The following ARL17B variants were observed in gnomAD, a reference collection of about 807,000 sequenced individuals.
The protein encoded by ARL17B is ARF like GTPase 17B, also known as ADP-ribosylation factor-like protein 17.
intron 4 of ARL17B, among the ~76,000 whole-genome samples, chr17:46,279,913 T>C (rs1196367417): frequency 1.3e-5 from 2 of 152,218 alleles, no homozygotes; most frequent in African/African-American, 4.8e-5. Flanking sequence ...AAACAAATTA[T>C]CTAATGCATG....
chr17:46,277,518 A>T (rs2049621673), intron 4 of ARL17B, among the ~76,000 whole-genome samples: 1 of 152,252 alleles, frequency 6.6e-6, no homozygotes, highest in African/African-American at 2.4e-5. Context: ...AAAAGCATAG[A>T]GGGGCTTATA....
chr17:46,331,579 A>G, downstream of ARL17B: 1 of 1,602,944 alleles, frequency 6.2e-7, no homozygotes, highest in Non-Finnish European at 8.5e-7. Flanking sequence ...CATTCAACTT[A>G]GGGCCAACTG....
chr17:46,340,109 C>T (rs1412532908), intron 3 of ARL17B, among the ~76,000 whole-genome samples: 2 of 99,504 alleles, frequency 2.0e-5, no homozygotes, highest in Admixed American at 1.0e-4. Context: ...GAAAGCTGAG[C>T]GGTCTGCAGG....
chr17:46,298,804 A>G (rs2050253064), downstream of ARL17B, among the ~76,000 whole-genome samples: 2 of 74,318 alleles, frequency 2.7e-5, no homozygotes, highest in African/African-American at 3.9e-5. Context: ...ATTAAGTACT[A>G]AAAGATAATG....
In ARL17B at chr17:46,287,726, A is replaced by G. The variant is rs1319795201; in HGVS notation, c.*21+11800T>C. On this transcript the variant is annotated intron_variant, in intron 4 of 4. Coordinates refer to the ARL17B transcript ENST00000570618. ...GTGGAAGGAGCTGCTTCAGTTCAAC[A>G]TCGGGGACATGGTATGGGGAAGGAT... 3.9e-5 allele frequency among the ~76,000 whole-genome samples: 6 copies of G among 152,356 alleles called. 1 individual carries two copies.
At chr17:46,341,090 G>T (rs1253419891) in intron 3 of ARL17B, among the ~76,000 whole-genome samples, 27 of 50,590 alleles carry the variant, frequency 5.3e-4, no homozygotes, top group African/African-American at 2.2e-3. Context: ...TGCAGAGAGG[G>T]CAGGGAGGAA....
downstream of ARL17B, chr17:46,331,201 C>G (rs1227021181): frequency 1.4e-6 from 1 of 729,118 alleles, no homozygotes; most frequent in African/African-American, 1.7e-5. Context: ...ACCGCTTTCA[C>G]AAAACTCGCT....
intron 3 of ARL17B, among the ~76,000 whole-genome samples, chr17:46,323,957 T>C (rs1357524419): frequency 9.8e-6 from 1 of 101,632 alleles, no homozygotes; most frequent in African/African-American, 3.2e-5. Flanking sequence ...ATACAAACAT[T>C]ATGTCATTTC....
chr17:46,278,280 A>G (rs2049647884), intron 4 of ARL17B, among the ~76,000 whole-genome samples: 1 of 152,042 alleles, frequency 6.6e-6, no homozygotes, highest in African/African-American at 2.4e-5. Flanking sequence ...TTCTTGTTTT[A>G]TCAACTTTCA....
At chr17:46,291,725 G>C (rs2050072660) in intron 4 of ARL17B, among the ~76,000 whole-genome samples, 1 of 151,906 alleles carries the variant, frequency 6.6e-6, no homozygotes, top group Non-Finnish European at 1.5e-5. Context: ...GGGAGTTTGA[G>C]ACCAGCCTGG....
chr17:46,337,721 TAGG>T lies in ARL17B; in HGVS notation c.*1776_*1778del, dbSNP rs1308950588. On this transcript the variant is annotated 3_prime_UTR_variant, in exon 4 of 4. Transcript: ENST00000450673. ...GGAGGAGGAGAGTGAAGCCCTGCCA[TAGG>T]AGGAGAACACAGCCCACCTCAGGCC... The T allele has an allele frequency of 5.7e-6, 3 of 523,764 alleles. No homozygotes were observed. Among genetic ancestry groups the T allele is most frequent in the East Asian group, 3.0e-5 (1 of 33,484 alleles). The allele number at this position is 523,764 out of a possible 1,614,324, so 32.4% of individuals were successfully genotyped here.
intron 4 of ARL17B, among the ~76,000 whole-genome samples, chr17:46,278,411 TG>T (rs757708374): frequency 0.17 from 19,199 of 112,094 alleles, 1,496 homozygotes; most frequent in African/African-American, 0.25. Flanking sequence ...GTTTTTTTTT[TG>T]TTGTTGTTTT....
chr17:46,340,907 C>CTTTTTTT lies in ARL17B; in HGVS notation c.260-1140_260-1134dup, dbSNP rs1277539568. ...CCTAGAAAAAGGGACCTCTTTTATT[C>CTTTTTTT]TTTTTTTTTTTTTTTCCAGAGACGG... is the stretch of plus-strand genomic sequence containing the variant. On this transcript the variant is annotated intron_variant, in intron 3 of 3. Transcript: ENST00000450673. 5.3e-5 allele frequency among the ~76,000 whole-genome samples: 4 copies of CTTTTTTT among 76,080 alleles called. 1 individual carries two copies. Among genetic ancestry groups the CTTTTTTT allele is most frequent in the African/African-American group, 1.5e-4 (4 of 25,876 alleles). 49.9% of individuals were successfully genotyped at this position (76,080 alleles called of 152,430 possible). A position where few individuals can be genotyped will look rare whatever the true frequency, so the allele number is the denominator to read the frequency against.
chr17:46,340,822 A>T lies in ARL17B; in HGVS notation c.260-1048T>A, dbSNP rs1308159311. Among the ~76,000 whole-genome samples, 2 of 78,390 alleles carry T rather than the reference A, an allele frequency of 2.6e-5. 1 individual carries two copies. Among genetic ancestry groups the T allele is most frequent in the African/African-American group, 7.6e-5 (2 of 26,394 alleles). 51.4% of individuals were successfully genotyped at this position (78,390 alleles called of 152,430 possible). A position where few individuals can be genotyped will look rare whatever the true frequency, so the allele number is the denominator to read the frequency against. ...CTCCCAAAGTGCTGGGATTACAGGC[A>T]TGAGTCACTGTGCCCCGCCAGGAAA... On this transcript the variant is annotated intron_variant, in intron 3 of 3. Transcript: ENST00000450673.
chr17:46,277,883 C>A (rs1426013424), intron 4 of ARL17B, among the ~76,000 whole-genome samples: 2 of 151,906 alleles, frequency 1.3e-5, no homozygotes, highest in Admixed American at 6.6e-5. Flanking sequence ...CTGACCTAAC[C>A]GCCCACCTCA....
rs2052864294 is a variant in ARL17B at position 46,354,948 on chromosome 17, A to ATC, written c.149-2019_149-2018insGA. On this transcript the variant is annotated intron_variant, in intron 2 of 3. Coordinates refer to ENST00000450673, the MANE Select transcript of ARL17B (RefSeq NM_001039083.5). ...GATGACAGAATAACATCCAAGAAAG[A>ATC]AAAGAAAGAAAAGAGGAAGAGAGAG... Among the ~76,000 whole-genome samples the ATC allele has an allele frequency of 1.9e-4, 4 of 20,678 alleles. No individual in the cohort carries two copies. The South Asian group carries it at 0.01, about 54-fold the overall frequency. 13.6% of individuals were successfully genotyped at this position (20,678 alleles called of 152,430 possible).
intron 4 of ARL17B, among the ~76,000 whole-genome samples, chr17:46,280,555 T>C (rs1446881581): frequency 1.3e-5 from 2 of 150,886 alleles, no homozygotes; most frequent in South Asian, 2.1e-4. Context: ...TGTTTCCTTA[T>C]TTTTGATAGC....
At chr17:46,281,655 C>T (rs2907477) in intron 4 of ARL17B, among the ~76,000 whole-genome samples, 3,038 of 128,500 alleles carry the variant, frequency 0.024, no homozygotes, top group Middle Eastern at 0.044. Context: ...GGAATTTTTT[C>T]TTCTTCTTTT....
At chr17:46,332,943 G>A (rs1181505598), downstream of ARL17B, among the ~76,000 whole-genome samples, 1 of 151,304 alleles carries the variant, frequency 6.6e-6, no homozygotes, top group East Asian at 1.9e-4. Flanking sequence ...CCAAAACTAT[G>A]TCAACAATTG....
Sources: gnomAD v4.1 joint callset for allele counts (sites outside exome capture counted in the v4.1 genomes callset) on GRCh38, gnomAD v4.1.1 for gene constraint, MANE v1.5 for transcripts, NCBI Gene and HGNC (gene_info 2026-07-23, HGNC 2026-07-21) for gene names.